GRID1: variants seen among roughly 807,000 people sequenced by gnomAD.
GRID1 encodes the protein glutamate ionotropic receptor delta type subunit 1.
In GRID1, 28 loss-of-function variants were observed where a neutral mutation model predicts 98.0. The ratio of observed to expected loss-of-function variants is 0.29; its 90% confidence interval spans 0.21 to 0.39. The LOEUF is 0.39. Ranked by LOEUF, GRID1 falls within the 10% of genes least tolerant of loss-of-function variation. The probability of loss-of-function intolerance (pLI) is 1.00; values close to 1 mark genes in which losing one functional copy is unlikely to be tolerated. For synonymous variants in GRID1, 553 were observed against 538.5 expected, an observed-to-expected ratio of 1.03 and a Z score of -0.37; for missense variants, 1,111 against 1,340.5, an observed-to-expected ratio of 0.83 and a Z score of 2.67.
intron 4 of GRID1, among the ~76,000 whole-genome samples, chr10:86,085,887 G>A (rs1486636287): frequency 6.6e-6 from 1 of 151,918 alleles, no homozygotes; most frequent in Non-Finnish European, 1.5e-5. Context: ...CACTGCCATC[G>A]GGACCCATGG....
Position 86,095,724 on chromosome 10 carries a change from G to A in GRID1, c.726+43095C>T, listed in dbSNP as rs148552638. On this transcript the variant is annotated intron_variant, in intron 4 of 15. Coordinates refer to ENST00000327946, the MANE Select transcript of GRID1 (RefSeq NM_017551.3). ...AATTTTTTTAAAAGTAGATGTTGGC[G>A]CAGATGTGGTGAACAGGGAACACTT... Among the ~76,000 whole-genome samples, 562 of 152,272 alleles carry A rather than the reference G, an allele frequency of 3.7e-3. 2 individuals are homozygous for A. The highest frequency in any genetic ancestry group is 6.8e-3 in the Middle Eastern group (2 of 294).
At chr10:85,656,172 C>A (rs1262445746) in intron 12 of GRID1, among the ~76,000 whole-genome samples, 1 of 152,122 alleles carries the variant, frequency 6.6e-6, no homozygotes, top group Non-Finnish European at 1.5e-5. Context: ...TAATGATCTC[C>A]CAAATACAGT....
intron 2 of GRID1, among the ~76,000 whole-genome samples, chr10:86,219,521 T>C (rs569097533): frequency 6.6e-6 from 1 of 152,278 alleles, no homozygotes; most frequent in South Asian, 2.1e-4. Flanking sequence ...CCCAGGGAGA[T>C]GACCTATGAG....
At chr10:86,341,606 A>T (rs753868583) in intron 2 of GRID1, among the ~76,000 whole-genome samples, 1 of 151,918 alleles carries the variant, frequency 6.6e-6, no homozygotes, top group Non-Finnish European at 1.5e-5. Context: ...AATAACAGAC[A>T]CACTGAGAGA....
Position 86,348,999 on chromosome 10 carries a change from G to A in GRID1, c.235+14942C>T, listed in dbSNP as rs907463777. ...CCAGCTCCTGCTTCCTCAGAGGCCC[G>A]CGTGGTGGCAGCAGTGGCTGCTGGC... On this transcript the variant is annotated intron_variant, in intron 2 of 15. Transcript: ENST00000327946. Among the ~76,000 whole-genome samples, 5 of 152,348 alleles carry A rather than the reference G, an allele frequency of 3.3e-5. No homozygotes were observed. In the East Asian group the frequency reaches 5.8e-4, roughly 18 times the overall value.
In GRID1 at chr10:85,840,558, C is replaced by T. The variant is rs1228777073; in HGVS notation, c.1233+13938G>A. On this transcript the variant is annotated intron_variant, in intron 8 of 15. Transcript: ENST00000327946. Reference sequence around the variant, plus strand: ...GGAGAAGTTAAACTATCCCTGTTTGCAGATGATATGATCCTATATTTAGAA... The same window carrying T: ...GGAGAAGTTAAACTATCCCTGTTTGTAGATGATATGATCCTATATTTAGAA... Among the ~76,000 whole-genome samples the T allele has an allele frequency of 2.0e-5, 3 of 152,128 alleles. No homozygotes were observed. The South Asian group carries it at 6.2e-4, about 31-fold the overall frequency.
At chr10:86,280,096 A>C (rs1231390997) in intron 2 of GRID1, among the ~76,000 whole-genome samples, 1 of 152,092 alleles carries the variant, frequency 6.6e-6, no homozygotes, top group African/African-American at 2.4e-5. Flanking sequence ...GCAGCTACCC[A>C]GGAGGCTGAG....
At chr10:86,275,017 C>G (rs1006292446) in intron 2 of GRID1, among the ~76,000 whole-genome samples, 3 of 152,188 alleles carry the variant, frequency 2.0e-5, no homozygotes, top group Admixed American at 2.0e-4. Flanking sequence ...ACAATGCCAG[C>G]CTGGCTAAGT....
chr10:86,210,988 G>A (rs1564707523), intron 2 of GRID1, among the ~76,000 whole-genome samples: 3 of 152,248 alleles, frequency 2.0e-5, no homozygotes, highest in Non-Finnish European at 2.9e-5. Flanking sequence ...CTGGTCACAA[G>A]CTGGGACTGT....
Position 86,206,726 on chromosome 10 carries a change from C to A in GRID1, c.236-78G>T. 1 of 1,370,408 alleles carries A rather than the reference C, an allele frequency of 7.3e-7. No homozygotes were observed. The highest frequency in any genetic ancestry group is 1.0e-6 in the Non-Finnish European group (1 of 996,262). 84.9% of individuals were successfully genotyped at this position (1,370,408 alleles called of 1,614,324 possible). A position where few individuals can be genotyped will look rare whatever the true frequency, so the allele number is the denominator to read the frequency against. Reference sequence around the variant, plus strand: ...CCAGCTTCAACCTGCAGGCCCCATGCCTGGCAGCTCATGCCCAGGACTCCC... The same window carrying A: ...CCAGCTTCAACCTGCAGGCCCCATGACTGGCAGCTCATGCCCAGGACTCCC... On this transcript the variant is annotated intron_variant, in intron 2 of 15. Coordinates refer to ENST00000327946, the MANE Select transcript of GRID1 (RefSeq NM_017551.3). The surrounding 1 kb of genome is among the most constrained non-coding windows in gnomAD (Gnocchi z 4.1).
At chr10:85,951,457 T>C (rs1303875023) in intron 4 of GRID1, among the ~76,000 whole-genome samples, 1 of 152,134 alleles carries the variant, frequency 6.6e-6, no homozygotes, top group Non-Finnish European at 1.5e-5. Context: ...AGACGTTTAA[T>C]TGGGGTTTCT....
intron 8 of GRID1, among the ~76,000 whole-genome samples, chr10:85,850,472 G>T (rs1473768119): frequency 6.6e-6 from 1 of 152,214 alleles, no homozygotes; most frequent in Non-Finnish European, 1.5e-5. Flanking sequence ...GACATCTGCT[G>T]CCAGGCATAG....
chr10:85,644,410 A>G (rs1479409680), intron 13 of GRID1, among the ~76,000 whole-genome samples: 1 of 152,062 alleles, frequency 6.6e-6, no homozygotes, highest in African/African-American at 2.4e-5. Flanking sequence ...GTATTTTATC[A>G]TTGCTTTGGA....
chr10:86,159,283 A>T (rs186120199), intron 3 of GRID1, among the ~76,000 whole-genome samples: 1 of 152,266 alleles, frequency 6.6e-6, no homozygotes, highest in Admixed American at 6.5e-5. Flanking sequence ...ACAGTCATGC[A>T]CCACAAAATG....
Position 86,211,420 on chromosome 10 carries a change from T to A in GRID1, c.236-4772A>T, listed in dbSNP as rs909975170. On this transcript the variant is annotated intron_variant, in intron 2 of 15. Coordinates refer to ENST00000327946, the MANE Select transcript of GRID1 (RefSeq NM_017551.3). Reference sequence around the variant, plus strand: ...ATGAGCGGCTTCCAGCCCCCCCACCTGCACCCTGTGTCCTGGGAAAGTGGA... The same window carrying A: ...ATGAGCGGCTTCCAGCCCCCCCACCAGCACCCTGTGTCCTGGGAAAGTGGA... 3.9e-5 allele frequency among the ~76,000 whole-genome samples: 6 copies of A among 152,290 alleles called. 1 individual carries two copies. Among genetic ancestry groups the A allele is most frequent in the Middle Eastern group, 6.8e-3 (2 of 294 alleles).
intron 12 of GRID1, among the ~76,000 whole-genome samples, chr10:85,675,528 T>C (rs1426593250): frequency 2.0e-5 from 3 of 152,230 alleles, no homozygotes; most frequent in Admixed American, 6.5e-5. Context: ...CTTCAGACTA[T>C]GCCTCAAGTT....
At chr10:85,878,130 A>G (rs1840930120) in intron 5 of GRID1, among the ~76,000 whole-genome samples, 1 of 152,254 alleles carries the variant, frequency 6.6e-6, no homozygotes, top group South Asian at 2.1e-4. Context: ...TGAAAAGACC[A>G]AATCTACGTC....
chr10:86,133,512 G>A (rs901595748), intron 4 of GRID1, among the ~76,000 whole-genome samples: 2 of 152,196 alleles, frequency 1.3e-5, no homozygotes, highest in African/African-American at 4.8e-5. Context: ...CAGGCCTAAG[G>A]CAGCACTCTT....
chr10:85,980,791 A>G (rs1842535454), intron 4 of GRID1, among the ~76,000 whole-genome samples: 1 of 152,206 alleles, frequency 6.6e-6, no homozygotes, highest in Admixed American at 6.5e-5. Flanking sequence ...ATAACTCCTC[A>G]GACCCTGCAT....
Sources: allele counts gnomAD v4.1 joint callset (sites outside exome capture counted in the v4.1 genomes callset), GRCh38; gene constraint gnomAD v4.1.1; non-coding constraint Gnocchi (gnomAD v3.1); transcripts MANE v1.5; gene names NCBI Gene and HGNC (gene_info 2026-07-23, HGNC 2026-07-21).